The following SCAPER variants were observed in gnomAD, a reference collection of about 807,000 sequenced individuals.
SCAPER encodes the protein S phase cyclin A-associated protein in the endoplasmic reticulum.
SCAPER carries 98 observed loss-of-function variants against 182.2 expected under a neutral mutation model. The observed-to-expected ratio is 0.54, with a 90% confidence interval of 0.46 to 0.64. SCAPER has a LOEUF of 0.64. Ranked by LOEUF, SCAPER falls within the 30% of genes least tolerant of loss-of-function variation. The pLI, the probability that SCAPER is intolerant of heterozygous loss-of-function variation, is 0.00. For synonymous variants in SCAPER, 605 were observed against 564.6 expected, an observed-to-expected ratio of 1.07 and a Z score of -1.01; for missense variants, 1,432 against 1,690.0, an observed-to-expected ratio of 0.85 and a Z score of 2.68.
At chr15:76,493,043 G>C (rs749229792) in intron 24 of SCAPER, among the ~76,000 whole-genome samples, 2 of 152,198 alleles carry the variant, frequency 1.3e-5, no homozygotes, top group Non-Finnish European at 2.9e-5. Context: ...AGAACACTTA[G>C]AGTGGGTGGG....
At chr15:76,850,080 T>A (rs972185641) in intron 4 of SCAPER, among the ~76,000 whole-genome samples, 2 of 152,172 alleles carry the variant, frequency 1.3e-5, no homozygotes, top group African/African-American at 2.4e-5. Context: ...GGGATTACAA[T>A]TCAAGGTGAG....
intron 26 of SCAPER, among the ~76,000 whole-genome samples, chr15:76,428,786 G>A (rs2046618673): frequency 6.7e-6 from 1 of 148,824 alleles, no homozygotes; most frequent in Non-Finnish European, 1.5e-5. Flanking sequence ...CCCTAGAAGA[G>A]AGGCTTCTGA....
intron 22 of SCAPER, among the ~76,000 whole-genome samples, chr15:76,575,962 A>G (rs766289570): frequency 1.3e-5 from 2 of 152,228 alleles, no homozygotes; most frequent in Non-Finnish European, 2.9e-5. Context: ...CTATCTGCTC[A>G]CTGCTTTATC....
chr15:76,404,929 T>A (rs2044717305), intron 26 of SCAPER, among the ~76,000 whole-genome samples: 1 of 152,106 alleles, frequency 6.6e-6, no homozygotes, highest in South Asian at 2.1e-4. Context: ...AAAAAATGAA[T>A]GACAATGATT....
intron 5 of SCAPER, among the ~76,000 whole-genome samples, chr15:76,839,607 A>T (rs2069269659): frequency 6.6e-6 from 1 of 152,250 alleles, no homozygotes; most frequent in Non-Finnish European, 1.5e-5. Context: ...GCCTTTGAGC[A>T]TCTTGGCACA....
chr15:76,605,841 T>C (rs1355707605), intron 22 of SCAPER, among the ~76,000 whole-genome samples: 1 of 152,202 alleles, frequency 6.6e-6, no homozygotes, highest in African/African-American at 2.4e-5. Flanking sequence ...CTGATGGTAG[T>C]TTGTATTTCT....
In SCAPER at chr15:76,841,625, C is replaced by T. The variant is rs2069490070; in HGVS notation, c.393+109G>A. On this transcript the variant is annotated intron_variant, in intron 5 of 31. Coordinates refer to ENST00000563290, the MANE Select transcript of SCAPER (RefSeq NM_020843.4). ...TCGCGTCACTACACTCCAGCCTGGG[C>T]GACAGAGCAAAACTCCATCTCAAAG... 5.3e-6 allele frequency: 6 copies of T among 1,133,682 alleles called. No individual in the cohort carries two copies. In the Admixed American group the frequency reaches 1.0e-4, roughly 19 times the overall value. The allele number at this position is 1,133,682 out of a possible 1,614,324, so 70.2% of individuals were successfully genotyped here.
intron 22 of SCAPER, among the ~76,000 whole-genome samples, chr15:76,583,168 T>C (rs570737309): frequency 5.3e-4 from 81 of 152,042 alleles, no homozygotes; most frequent in African/African-American, 1.8e-3. Context: ...CTGGCCAACA[T>C]AGTGAAACCC....
At chr15:76,752,080 CAGACATTT>C (rs2062120629) in intron 15 of SCAPER, among the ~76,000 whole-genome samples, 1 of 149,340 alleles carries the variant, frequency 6.7e-6, no homozygotes, top group Non-Finnish European at 1.5e-5. Flanking sequence ...AGGATTTGAA[CAGACATTT>C]CTCCAAGAGG....
chr15:76,743,033 T>TA (rs1168948713), intron 15 of SCAPER, among the ~76,000 whole-genome samples: 2 of 152,040 alleles, frequency 1.3e-5, no homozygotes, highest in East Asian at 1.9e-4. Context: ...ACTTAATACT[T>TA]ACAATAATTG....
intron 24 of SCAPER, among the ~76,000 whole-genome samples, chr15:76,486,634 C>T (rs2051682934): frequency 6.6e-6 from 1 of 152,100 alleles, no homozygotes; most frequent in Admixed American, 6.6e-5. Flanking sequence ...AATCAAATCA[C>T]AATGAGATAC....
intron 23 of SCAPER, among the ~76,000 whole-genome samples, chr15:76,517,050 G>C (rs1423854930): frequency 1.3e-5 from 2 of 151,974 alleles, no homozygotes; most frequent in African/African-American, 4.8e-5. Context: ...GCAGAGCTGG[G>C]GACTGAGTCT....
At position 76,701,732 on chromosome 15, in the gene SCAPER, T is replaced by C. The variant is rs1364721301; in HGVS notation, c.2508+26A>G. 6 of 1,570,508 alleles carry C rather than the reference T, an allele frequency of 3.8e-6. No homozygotes were observed. The Admixed American group carries it at 8.4e-5, about 22-fold the overall frequency. Reference sequence around the variant, plus strand: ...ACATATTGGGTACTCAATAAACAATTGTAAATGAACAAAAATAAAGTTTAC... The same window carrying C: ...ACATATTGGGTACTCAATAAACAATCGTAAATGAACAAAAATAAAGTTTAC... On this transcript the variant is annotated intron_variant, in intron 20 of 31. Coordinates refer to ENST00000563290, the MANE Select transcript of SCAPER (RefSeq NM_020843.4).
chr15:76,571,780 G>C (rs2047449740), intron 23 of SCAPER, among the ~76,000 whole-genome samples: 1 of 152,048 alleles, frequency 6.6e-6, no homozygotes, highest in African/African-American at 2.4e-5. Context: ...GCTCTAATGA[G>C]TTTGTTACTC....
At chr15:76,730,174 C>T (rs2060834816) in intron 16 of SCAPER, among the ~76,000 whole-genome samples, 1 of 152,146 alleles carries the variant, frequency 6.6e-6, no homozygotes, top group Non-Finnish European at 1.5e-5. Context: ...GAGATTTGAA[C>T]ATTTCTAATA....
At chr15:76,609,987 G>A (rs895264537) in intron 22 of SCAPER, among the ~76,000 whole-genome samples, 1 of 151,918 alleles carries the variant, frequency 6.6e-6, no homozygotes. Context: ...GTTAGGCTCT[G>A]GTGAAATAGT....
intron 1 of SCAPER, among the ~76,000 whole-genome samples, chr15:76,884,301 CTAA>C (rs2073730738): frequency 1.3e-5 from 2 of 152,222 alleles, no homozygotes; most frequent in Admixed American, 1.3e-4. Context: ...AACTGACTCA[CTAA>C]TGAGTCTGAA....
intron 24 of SCAPER, among the ~76,000 whole-genome samples, chr15:76,496,472 T>C (rs996273739): frequency 1.3e-5 from 2 of 152,206 alleles, no homozygotes; most frequent in Non-Finnish European, 2.9e-5. Context: ...TTACAGAACT[T>C]GTATTTTTCT....
chr15:76,789,252 C>T (rs1052113233), intron 8 of SCAPER, among the ~76,000 whole-genome samples: 6 of 151,684 alleles, frequency 4.0e-5, no homozygotes, highest in Non-Finnish European at 1.5e-5. Context: ...AAACAAAAAT[C>T]GTAAGATGAA....
Sources: allele counts gnomAD v4.1 joint callset (sites outside exome capture counted in the v4.1 genomes callset), GRCh38; gene constraint gnomAD v4.1.1; transcripts MANE v1.5; gene names NCBI Gene and HGNC (gene_info 2026-07-23, HGNC 2026-07-21).